The following ZNF423 variants were observed in gnomAD, a reference collection of about 807,000 sequenced individuals.
ZNF423 encodes the protein Ebf-associated zinc finger protein.
In ZNF423, 12 loss-of-function variants were observed where a neutral mutation model predicts 95.8. The observed-to-expected ratio is 0.13, with a 90% CI of 0.08 to 0.20. The LOEUF (loss-of-function observed/expected upper bound fraction) is 0.20, where lower values mean the gene tolerates loss of function less well. ZNF423 is among the 10% of genes least tolerant of loss of function. The pLI is 1.00. For synonymous variants in ZNF423, 749 were observed against 711.9 expected (o/e 1.05, Z -0.83); for missense variants, 1,316 against 1,737.1 (o/e 0.76, Z 4.31).
At chr16:49,679,492 C>T (rs971578677) in intron 3 of ZNF423, among the ~76,000 whole-genome samples, 1 of 152,244 alleles carries the variant, frequency 6.6e-6, no homozygotes, top group Non-Finnish European at 1.5e-5. Flanking sequence ...AAAGTTGAGG[C>T]CAAGCCCAGA....
intron 3 of ZNF423, among the ~76,000 whole-genome samples, chr16:49,665,429 G>C (rs919625789): frequency 6.6e-5 from 10 of 152,128 alleles, no homozygotes; most frequent in African/African-American, 2.4e-4. Flanking sequence ...TGTGGGGCCT[G>C]GGGGGAGAAC....
chr16:49,626,881 A>G (rs576736538), intron 4 of ZNF423, among the ~76,000 whole-genome samples: 1 of 112,172 alleles, frequency 8.9e-6, no homozygotes, highest in South Asian at 3.2e-4. Context: ...ATCCATCTAC[A>G]TAATACCCAC....
chr16:49,764,202 G>A (rs2033884764), intron 2 of ZNF423, among the ~76,000 whole-genome samples: 1 of 152,198 alleles, frequency 6.6e-6, no homozygotes, highest in African/African-American at 2.4e-5. Context: ...CGGGGAACAT[G>A]AGAGCCACTC....
chr16:49,589,787 G>A (rs780687846), intron 5 of ZNF423, among the ~76,000 whole-genome samples: 12 of 152,054 alleles, frequency 7.9e-5, no homozygotes, highest in Non-Finnish European at 1.6e-4. Context: ...GAACGCTACA[G>A]TGGGATAATT....
At chr16:49,575,739 A>G (rs1490263347) in intron 5 of ZNF423, among the ~76,000 whole-genome samples, 2 of 152,216 alleles carry the variant, frequency 1.3e-5, no homozygotes, top group Admixed American at 6.5e-5. Context: ...TTGACTGAGC[A>G]TGCAAATCAC....
chr16:49,495,634 G>A (rs1327625839), intron 7 of ZNF423, among the ~76,000 whole-genome samples: 1 of 152,226 alleles, frequency 6.6e-6, no homozygotes, highest in East Asian at 1.9e-4. Flanking sequence ...TTTGTGCATG[G>A]AAGGAGCGGG....
chr16:49,587,569 G>T (rs571833637), intron 5 of ZNF423, among the ~76,000 whole-genome samples: 2 of 152,230 alleles, frequency 1.3e-5, no homozygotes, highest in East Asian at 3.9e-4. Context: ...GACAGTTTCA[G>T]GCAGCTGGCT....
At chr16:49,526,687 C>T (rs1032542029) in intron 5 of ZNF423, among the ~76,000 whole-genome samples, 2 of 152,218 alleles carry the variant, frequency 1.3e-5, no homozygotes, top group Admixed American at 6.5e-5. Context: ...GGTTGGAATC[C>T]GTCCCTCCCC....
At chr16:49,610,704 T>C (rs1971695392) in intron 5 of ZNF423, among the ~76,000 whole-genome samples, 1 of 151,994 alleles carries the variant, frequency 6.6e-6, no homozygotes, top group African/African-American at 2.4e-5. Context: ...AACCTAACTA[T>C]ACTAATTAAA....
Position 49,637,941 on chromosome 16 carries a change from C to G in ZNF423, c.1235G>C (p.Trp412Ser), listed in dbSNP as rs764050109. The G allele has an allele frequency of 4.3e-6, 7 of 1,614,024 alleles. No individual in the cohort carries two copies. The highest frequency in any genetic ancestry group is 5.9e-6 in the Non-Finnish European group (7 of 1,180,060). ...GGGGCAGCTATAGACCACCTTGGTC[C>G]AGCCCTGCCCGTCATCCCGCATCTT... ...QKKMRDDGQG[W>S]TKVVYSCPYC... The change falls in exon 4 of 8, where the codon TGG becomes TCG. Residue 412 changes from tryptophan to serine, a missense_variant. Trp to Ser is a radical substitution (Grantham distance 177). Around this residue, in one of 6 missense-constraint regions of ZNF423, gnomAD observed 399 missense variants for 478.5 expected, o/e 0.83. Transcript: ENST00000563137. This position sits in a 1 kb window ranked among gnomAD's most constrained non-coding sequence, Gnocchi z 5.6.
chr16:49,817,584 C>T (rs573936276), intron 1 of ZNF423, among the ~76,000 whole-genome samples: 4 of 152,262 alleles, frequency 2.6e-5, no homozygotes, highest in South Asian at 2.1e-4. Context: ...CGCCTGATAC[C>T]GCCTTAGCCT....
chr16:49,651,075 C>T (rs1446698317), intron 3 of ZNF423, among the ~76,000 whole-genome samples: 1 of 151,568 alleles, frequency 6.6e-6, no homozygotes, highest in Non-Finnish European at 1.5e-5. Context: ...GGCTGTAGTG[C>T]AGTGATGCAA....
At chr16:49,811,972 G>A (rs948129619) in intron 1 of ZNF423, among the ~76,000 whole-genome samples, 1 of 152,228 alleles carries the variant, frequency 6.6e-6, no homozygotes, top group African/African-American at 2.4e-5. Context: ...GCTCTGTCCC[G>A]CTCTCCTCTC....
intron 2 of ZNF423, among the ~76,000 whole-genome samples, chr16:49,738,273 C>G (rs1278546561): frequency 6.6e-6 from 1 of 152,128 alleles, no homozygotes; most frequent in African/African-American, 2.4e-5. Flanking sequence ...ATGGGGTGGG[C>G]AAATGAGTGA....
intron 5 of ZNF423, among the ~76,000 whole-genome samples, chr16:49,618,804 C>T (rs1000919200): frequency 6.6e-6 from 1 of 152,142 alleles, no homozygotes; most frequent in Admixed American, 6.5e-5. Context: ...AACCTGGTCA[C>T]CTGAGACCTT....
chr16:49,686,706 C>T (rs543952834), intron 3 of ZNF423, among the ~76,000 whole-genome samples: 1 of 152,274 alleles, frequency 6.6e-6, no homozygotes, highest in East Asian at 1.9e-4. Context: ...AGGCAGACCT[C>T]TTCTTCTCAT....
rs535352164 is a variant in ZNF423, at chr16:49,581,015, T to C, written c.3601+45155A>G. Among the ~76,000 whole-genome samples, 75 of 152,236 alleles carry C rather than the reference T, an allele frequency of 4.9e-4. 1 individual carries two copies. The South Asian group carries it at 0.015, about 30-fold the overall frequency. On this transcript the variant is annotated intron_variant, in intron 5 of 7. Coordinates refer to ENST00000563137, the MANE Select transcript of ZNF423 (RefSeq NM_001379286.1). Reference sequence around the variant, plus strand: ...ATGTACGCTCCAGCCGTGATATTTATAACAATAAATGATTCACGAGATTGC... The same window carrying C: ...ATGTACGCTCCAGCCGTGATATTTACAACAATAAATGATTCACGAGATTGC...
intron 5 of ZNF423, among the ~76,000 whole-genome samples, chr16:49,615,986 C>T (rs763545005): frequency 1.3e-5 from 2 of 152,168 alleles, no homozygotes; most frequent in Non-Finnish European, 2.9e-5. Context: ...ACCCAGGACC[C>T]GCCCTTCTCT....
chr16:49,609,833 T>G (rs1971664340), intron 5 of ZNF423, among the ~76,000 whole-genome samples: 1 of 152,010 alleles, frequency 6.6e-6, no homozygotes, highest in Admixed American at 6.5e-5. Context: ...TTCGAGAAGC[T>G]GAGTGAAACT....
Sources: allele counts gnomAD v4.1 joint callset (sites outside exome capture counted in the v4.1 genomes callset), GRCh38; gene constraint gnomAD v4.1.1; regional missense constraint gnomAD v4.1.1; non-coding constraint Gnocchi (gnomAD v3.1); transcripts MANE v1.5; gene names NCBI Gene and HGNC (gene_info 2026-07-23, HGNC 2026-07-21).